TMEFF1: variants seen among roughly 807,000 people sequenced by gnomAD.
The protein encoded by TMEFF1 is transmembrane protein with EGF like and two follistatin like domains 1, also known as tomoregulin-1.
A neutral mutation model predicts 47.5 loss-of-function variants in TMEFF1; 20 were observed. The observed-to-expected ratio is 0.42, with a 90% confidence interval of 0.30 to 0.61. The LOEUF (loss-of-function observed/expected upper bound fraction) is 0.61, where lower values mean the gene tolerates loss of function less well. Ranked by LOEUF, TMEFF1 falls within the 20% of genes least tolerant of loss-of-function variation. The pLI is 0.19. For missense variants in TMEFF1, 411 were observed against 471.1 expected, an observed-to-expected ratio of 0.87 and a Z score of 1.18; for synonymous variants, 162 against 166.3, an observed-to-expected ratio of 0.97 and a Z score of 0.20.
chr9:100,560,198 T>C (rs1838988405), intron 7 of TMEFF1, among the ~76,000 whole-genome samples: 1 of 152,222 alleles, frequency 6.6e-6, no homozygotes, highest in Non-Finnish European at 1.5e-5. Context: ...CATGATGTGC[T>C]ATATAAATAG....
chr9:100,491,903 CAG>C (rs1261523780), intron 1 of TMEFF1, among the ~76,000 whole-genome samples: 1 of 140,644 alleles, frequency 7.1e-6, no homozygotes, highest in African/African-American at 2.7e-5. Flanking sequence ...TTTTTTGAGA[CAG>C]AGTCTCGCTC....
chr9:100,520,285 C>T (rs1312639626), intron 5 of TMEFF1, among the ~76,000 whole-genome samples: 1 of 152,136 alleles, frequency 6.6e-6, no homozygotes, highest in African/African-American at 2.4e-5. Flanking sequence ...GTGCTCCAGC[C>T]TGGGTGACAC....
chr9:100,531,001 A>G (rs1184849118), intron 5 of TMEFF1, among the ~76,000 whole-genome samples: 2 of 151,532 alleles, frequency 1.3e-5, no homozygotes, highest in Non-Finnish European at 1.5e-5. Flanking sequence ...GATTATCTCA[A>G]TAGATGCAGA....
chr9:100,511,050 G>A (rs892084686), intron 3 of TMEFF1, among the ~76,000 whole-genome samples: 6 of 152,136 alleles, frequency 3.9e-5, no homozygotes, highest in African/African-American at 1.4e-4. Context: ...GAAAAGACGA[G>A]ACCTCTCTTG....
At position 100,473,458 on chromosome 9, in the gene TMEFF1, C is replaced by G. The variant is rs1837157769; in HGVS notation, c.-87C>G. 9.1e-7 allele frequency: 1 copy of G among 1,103,300 alleles called. No individual in the cohort carries two copies. Among genetic ancestry groups the G allele is most frequent in the Non-Finnish European group, 1.2e-6 (1 of 867,196 alleles). The allele number at this position is 1,103,300 out of a possible 1,614,324, so 68.3% of individuals were successfully genotyped here. A position where few individuals can be genotyped will look rare whatever the true frequency, so the allele number is the denominator to read the frequency against. On this transcript the variant is annotated 5_prime_UTR_variant, in exon 1 of 10. Coordinates refer to ENST00000374879, the MANE Select transcript of TMEFF1 (RefSeq NM_003692.5). This position sits in a 1 kb window ranked among gnomAD's most constrained non-coding sequence, Gnocchi z 5.4. ...TCAGCGGCGCGGCTGCTAGGAGGCA[C>G]CGAGGCAGCGGCGGGGCTCTGGGCG...
intron 5 of TMEFF1, among the ~76,000 whole-genome samples, chr9:100,519,647 CTTTTTTTTT>C (rs60569330): frequency 0.089 from 5,801 of 65,212 alleles, 254 homozygotes; most frequent in Middle Eastern, 0.29. Context: ...TGCCCAGTGA[CTTTTTTTTT>C]TTTTTTTTTT....
chr9:100,487,878 C>T lies in TMEFF1; in HGVS notation c.197-10887C>T, dbSNP rs1182398916. Among the ~76,000 whole-genome samples the T allele has an allele frequency of 2.6e-5, 4 of 152,114 alleles. No individual in the cohort carries two copies. The East Asian group carries it at 7.7e-4, about 29-fold the overall frequency. On this transcript the variant is annotated intron_variant, in intron 1 of 9. Transcript: ENST00000374879. ...AATAATTGGAACCCCAAGTCTGGAA[C>T]TCTTTCTAATGCACCAGAATTTTGT...
chr9:100,483,971 T>C (rs1198770455), intron 1 of TMEFF1, among the ~76,000 whole-genome samples: 1 of 152,216 alleles, frequency 6.6e-6, no homozygotes, highest in Non-Finnish European at 1.5e-5. Context: ...TCTTATATTT[T>C]TGTTATTCTA....
chr9:100,478,602 A>C (rs1837278845), intron 1 of TMEFF1, among the ~76,000 whole-genome samples: 1 of 152,242 alleles, frequency 6.6e-6, no homozygotes, highest in Admixed American at 6.5e-5. Context: ...ATTGAGATTA[A>C]AAGAAAAACT....
At chr9:100,491,159 A>G (rs558246917) in intron 1 of TMEFF1, among the ~76,000 whole-genome samples, 2 of 152,182 alleles carry the variant, frequency 1.3e-5, no homozygotes, top group African/African-American at 4.8e-5. Context: ...CTGGTGTGCA[A>G]TATTTCAAAT....
At chr9:100,562,264 C>A (rs567241593) in intron 8 of TMEFF1, among the ~76,000 whole-genome samples, 1 of 152,036 alleles carries the variant, frequency 6.6e-6, no homozygotes, top group African/African-American at 2.4e-5. Flanking sequence ...TTTTTCCTTT[C>A]TTAGTCAAAA....
At chr9:100,526,350 T>C (rs1188142492) in intron 5 of TMEFF1, among the ~76,000 whole-genome samples, 1 of 152,192 alleles carries the variant, frequency 6.6e-6, no homozygotes, top group Non-Finnish European at 1.5e-5. Flanking sequence ...CTTTAGTTAT[T>C]TGATGATTTC....
At position 100,576,578 on chromosome 9, in the gene TMEFF1, A is replaced by G. The variant is rs1293956404; in HGVS notation, c.1121A>G (p.Asp374Gly). The change falls in exon 10 of 10, where the codon GAT (aspartate) becomes GGT (glycine). Residue 374 changes from aspartate (D) to glycine (G), a missense_variant. Transcript: ENST00000374879. ...QKQNLGHFTS[D>G]TSSRMV is the part of the protein sequence containing the mutation. ...CAAAACCTAGGTCATTTTACTTCAGATACGTCATCCAGAATGGTTTAAACT... is the reference window on the plus strand; with the variant it reads ...CAAAACCTAGGTCATTTTACTTCAGGTACGTCATCCAGAATGGTTTAAACT... The G allele has an allele frequency of 1.2e-6, 2 of 1,613,430 alleles. No individual in the cohort carries two copies. The highest frequency in any genetic ancestry group is 2.2e-5 in the East Asian group (1 of 44,840).
Position 100,516,789 on chromosome 9 carries a change from A to G in TMEFF1, c.560+18A>G. The G allele has an allele frequency of 6.2e-7, 1 of 1,611,404 alleles. No homozygotes were observed. ...AATGTTGGGTGAGTTGGTTGAGGGG[A>G]AGGGACAAAGTTATTTAGAGATTAA... On this transcript the variant is annotated intron_variant, in intron 5 of 9. Transcript: ENST00000374879.
chr9:100,561,609 T>G (rs1174414627), intron 8 of TMEFF1, 89 bp downstream of exon 8: 1 of 1,399,528 alleles, frequency 7.1e-7, no homozygotes, highest in Non-Finnish European at 9.3e-7. Flanking sequence ...AGACTAAATA[T>G]TACCAGAAAG....
chr9:100,519,198 A>G (rs1197959378), intron 5 of TMEFF1, among the ~76,000 whole-genome samples: 2 of 152,092 alleles, frequency 1.3e-5, no homozygotes, highest in African/African-American at 4.8e-5. Flanking sequence ...GCATGAGGTC[A>G]AGAGATCAAG....
At chr9:100,476,890 G>GT (rs1287798907) in intron 1 of TMEFF1, among the ~76,000 whole-genome samples, 1 of 151,488 alleles carries the variant, frequency 6.6e-6, no homozygotes, top group Non-Finnish European at 1.5e-5. Context: ...TAGAGATGGG[G>GT]TTTCATCGTG....
Position 100,513,342 on chromosome 9 carries a change from C to T in TMEFF1, c.463+9C>T. On this transcript the variant is annotated intron_variant, in intron 4 of 9. Coordinates refer to ENST00000374879, the MANE Select transcript of TMEFF1 (RefSeq NM_003692.5). ...TGGATCTGGAGAAGGAGGTAAGTTT[C>T]AAGTACCTCTTAAAGGATATTTGCT... is the stretch of plus-strand genomic sequence containing the variant. 6.3e-7 allele frequency: 1 copy of T among 1,589,540 alleles called. No homozygotes were observed. The highest frequency in any genetic ancestry group is 8.5e-7 in the Non-Finnish European group (1 of 1,170,590).
Position 100,576,667 on chromosome 9 carries a change from G to A in TMEFF1, c.*67G>A. ...TTATTATGTCTTTTTTTAAAGAATG[G>A]AAATATTTATTTCAGAGGCCTTATT... On this transcript the variant is annotated 3_prime_UTR_variant, in exon 10 of 10. Coordinates refer to ENST00000374879, the MANE Select transcript of TMEFF1 (RefSeq NM_003692.5). 1 of 1,537,788 alleles carries A rather than the reference G, an allele frequency of 6.5e-7. No individual in the cohort carries two copies. Among genetic ancestry groups the A allele is most frequent in the Non-Finnish European group, 8.7e-7 (1 of 1,143,052 alleles).
Sources: allele counts gnomAD v4.1 joint callset (sites outside exome capture counted in the v4.1 genomes callset), GRCh38; gene constraint gnomAD v4.1.1; non-coding constraint Gnocchi (gnomAD v3.1); transcripts MANE v1.5; gene names NCBI Gene and HGNC (gene_info 2026-07-23, HGNC 2026-07-21).